Variants in DBNL observed in about 807,000 individuals in gnomAD.
The protein encoded by DBNL is drebrin like.
In DBNL, 35 loss-of-function variants were observed where a neutral mutation model predicts 62.2. That is an observed-to-expected ratio of 0.56 (90% CI 0.43 to 0.75). The LOEUF (loss-of-function observed/expected upper bound fraction) is 0.75. Ranked by LOEUF, DBNL falls within the 30% of genes least tolerant of loss-of-function variation. DBNL has a pLI of 0.00. For synonymous variants in DBNL, 197 were observed against 218.0 expected (o/e 0.90, Z 0.85); for missense variants, 495 against 578.4 (o/e 0.86, Z 1.48).
rs755954276 is a variant in DBNL, at chr7:44,044,724, C to T, written c.-14C>T. 6.7e-7 allele frequency: 1 copy of T among 1,493,912 alleles called. No individual in the cohort carries two copies. The highest frequency in any genetic ancestry group is 1.2e-5 in the South Asian group (1 of 80,684). 92.5% of individuals were successfully genotyped at this position (1,493,912 alleles called of 1,614,324 possible). ...GGAAGCTACAGCAGCGGCGCGGAGA[C>T]TGCGGGGCGGGCCATGGCGGCGAAC... On this transcript the variant is annotated 5_prime_UTR_variant, in exon 1 of 13. Coordinates refer to ENST00000448521, the MANE Select transcript of DBNL (RefSeq NM_001014436.3).
rs1458801278 is a variant in DBNL at position 44,063,490 on chromosome 7, G to C, written c.*2574G>C. 5.5e-6 allele frequency: 1 copy of C among 182,160 alleles called. No individual in the cohort carries two copies. Among genetic ancestry groups the C allele is most frequent in the East Asian group, 1.4e-4 (1 of 7,144 alleles). 11.3% of individuals were successfully genotyped at this position (182,160 alleles called of 1,614,324 possible). A position where few individuals can be genotyped will look rare whatever the true frequency, so the allele number is the denominator to read the frequency against. On this transcript the variant is annotated 3_prime_UTR_variant, in exon 13 of 13. Transcript: ENST00000448521. ...GAAACGGGTTTTACCATGTTGGTCAGGCTGGTCTCAAACTCCTGACCTCAG... is the reference window on the plus strand; with the variant it reads ...GAAACGGGTTTTACCATGTTGGTCACGCTGGTCTCAAACTCCTGACCTCAG...
chr7:44,058,109 G>C lies in DBNL; in HGVS notation c.553-20G>C. ...TGAAGTGGCAGCATAGGGCTGAGCGGGCAGTGGCTCTCCCTGCAGAAGGAG... is the reference window on the plus strand; with the variant it reads ...TGAAGTGGCAGCATAGGGCTGAGCGCGCAGTGGCTCTCCCTGCAGAAGGAG... On this transcript the variant is annotated intron_variant, in intron 6 of 12. Coordinates refer to ENST00000448521, the MANE Select transcript of DBNL (RefSeq NM_001014436.3). 1 of 1,552,360 alleles carries C rather than the reference G, an allele frequency of 6.4e-7. No individual in the cohort carries two copies. The highest frequency in any genetic ancestry group is 8.7e-7 in the Non-Finnish European group (1 of 1,147,984).
rs781724607 is a variant in DBNL at position 44,044,801 on chromosome 7, G to A, written c.64G>A (p.Glu22Lys). The change falls in exon 1 of 13, where the codon GAG becomes AAG. Residue 22 changes from glutamate (E) to lysine (K), a missense_variant. Coordinates refer to ENST00000448521, the MANE Select transcript of DBNL (RefSeq NM_001014436.3). ...LQEAYVRVVT[E>K]KSPTDWALFT... The stretch of plus-strand genomic sequence containing the variant: ...AGAGGCCTACGTGCGGGTGGTCACC[G>A]AGAAGTCCCCGACCGACTGGTGGGC... The A allele has an allele frequency of 2.5e-5, 37 of 1,494,434 alleles. 1 individual carries two copies. In the South Asian group the frequency reaches 3.2e-4, roughly 13 times the overall value. 92.6% of individuals were successfully genotyped at this position (1,494,434 alleles called of 1,614,324 possible).
In DBNL at chr7:44,047,172, C is replaced by A. The variant is rs534515751; in HGVS notation, c.83+2352C>A. ...GCCAGACACAAAATATGCTGGAAAT[C>A]CTTATGGATTTTCTTGTCACCTTTA... On this transcript the variant is annotated intron_variant, in intron 1 of 12. Transcript: ENST00000448521. Among the ~76,000 whole-genome samples the A allele has an allele frequency of 2.0e-5, 3 of 152,278 alleles. No individual in the cohort carries two copies. The South Asian group carries it at 6.2e-4, about 32-fold the overall frequency.
At chr7:44,045,412 GC>G (rs2096115445) in intron 1 of DBNL, among the ~76,000 whole-genome samples, 1 of 152,216 alleles carries the variant, frequency 6.6e-6, no homozygotes, top group Non-Finnish European at 1.5e-5. Context: ...TCTTTCTTGT[GC>G]CTGAGCCATG....
rs747052979 is a variant in DBNL at position 44,051,792 on chromosome 7, C to T, written c.140-38C>T. 4.6e-5 allele frequency: 74 copies of T among 1,606,910 alleles called. No individual in the cohort carries two copies. In the Admixed American group the frequency reaches 1.2e-3, roughly 26 times the overall value. On this transcript the variant is annotated intron_variant, in intron 2 of 12. Coordinates refer to ENST00000448521, the MANE Select transcript of DBNL (RefSeq NM_001014436.3). ...TGGGACCAGGGCCAGCAGGGAATGTCAGGGCCACCCCTGACCTTCACTGTG... is the reference window on the plus strand; with the variant it reads ...TGGGACCAGGGCCAGCAGGGAATGTTAGGGCCACCCCTGACCTTCACTGTG...
rs112718874 is a variant in DBNL, at chr7:44,062,938, G to T, written c.*2022G>T. On this transcript the variant is annotated 3_prime_UTR_variant, in exon 13 of 13. Coordinates refer to ENST00000448521, the MANE Select transcript of DBNL (RefSeq NM_001014436.3). The stretch of plus-strand genomic sequence containing the variant: ...TCGCCTGGTCTGACATCCCTATGCC[G>T]GAAGGAATAGGTGTCCTTAGCCCCT... 1 of 1,613,506 alleles carries T rather than the reference G, an allele frequency of 6.2e-7. No individual in the cohort carries two copies. The highest frequency in any genetic ancestry group is 1.3e-5 in the African/African-American group (1 of 74,914).
At position 44,053,013 on chromosome 7, in the gene DBNL, C is replaced by T. The variant is rs1205503804; in HGVS notation, c.327+72C>T. ...TTGAGGTCTCGCAGGTTCCTGGGTG[C>T]GAGCAAGTGGGAATCAGAACTGGAG... On this transcript the variant is annotated intron_variant, in intron 4 of 12. Coordinates refer to ENST00000448521, the MANE Select transcript of DBNL (RefSeq NM_001014436.3). The T allele has an allele frequency of 1.6e-5, 24 of 1,548,122 alleles. No individual in the cohort carries two copies. The South Asian group carries it at 2.0e-4, about 13-fold the overall frequency.
Position 44,060,254 on chromosome 7 carries a change from G to A in DBNL, c.1153+101G>A, listed in dbSNP as rs989381115. The A allele has an allele frequency of 1.8e-6, 2 of 1,111,086 alleles. No individual in the cohort carries two copies. The highest frequency in any genetic ancestry group is 1.6e-5 in the African/African-American group (1 of 64,386). 68.8% of individuals were successfully genotyped at this position (1,111,086 alleles called of 1,614,324 possible). ...GGAAGATGGCACCAGGGGGTATCAG[G>A]AAGAGAAGACAGGAGGGTGGGCGGT... On this transcript the variant is annotated intron_variant, in intron 12 of 12. Coordinates refer to ENST00000448521, the MANE Select transcript of DBNL (RefSeq NM_001014436.3). This position sits in a 1 kb window ranked among gnomAD's most constrained non-coding sequence, Gnocchi z 6.3.
chr7:44,045,288 G>A (rs1331966656), intron 1 of DBNL, among the ~76,000 whole-genome samples: 1 of 152,218 alleles, frequency 6.6e-6, no homozygotes, highest in Non-Finnish European at 1.5e-5. Flanking sequence ...CCTGGCAGCC[G>A]GGCTGTGAAT....
chr7:44,056,817 G>A lies in DBNL; in HGVS notation c.388G>A (p.Glu130Lys), dbSNP rs750677740. The A allele has an allele frequency of 1.2e-6, 2 of 1,614,110 alleles. No individual in the cohort carries two copies. Among genetic ancestry groups the A allele is most frequent in the South Asian group, 1.1e-5 (1 of 91,088 alleles). ...GGATGTGGAGCCTGAGTGCATCATG[G>A]AGAAGGTGGCCAAGGCTTCAGGTGC... ...EEDVEPECIMEKVAKASGANY... is the reference protein window; with the variant it reads ...EEDVEPECIMKKVAKASGANY... The change falls in exon 5 of 13, where the codon GAG (glutamate) becomes AAG (lysine). Residue 130 changes from glutamate (E) to lysine (K), a missense_variant. Transcript: ENST00000448521.
Position 44,062,710 on chromosome 7 carries a change from T to C in DBNL, c.*1794T>C, listed in dbSNP as rs905605750. 6.7e-5 allele frequency: 106 copies of C among 1,589,164 alleles called. No homozygotes were observed. The highest frequency in any genetic ancestry group is 8.8e-5 in the Non-Finnish European group (102 of 1,160,672). ...GCGGTGTGAGCCTGGCATGCACGGCTGCGCTGGACTCCAGGCTGTTGGGGG... is the reference window on the plus strand; with the variant it reads ...GCGGTGTGAGCCTGGCATGCACGGCCGCGCTGGACTCCAGGCTGTTGGGGG... On this transcript the variant is annotated 3_prime_UTR_variant, in exon 13 of 13. Coordinates refer to ENST00000448521, the MANE Select transcript of DBNL (RefSeq NM_001014436.3).
rs1397126872 is a variant in DBNL, at chr7:44,059,032, G to C, written c.835+49G>C. 1 of 1,593,546 alleles carries C rather than the reference G, an allele frequency of 6.3e-7. No individual in the cohort carries two copies. Among genetic ancestry groups the C allele is most frequent in the South Asian group, 1.1e-5 (1 of 90,494 alleles). ...CCATGAGGCAGCAGCAGGCTGAGGGGGAGCCTGGGGTCCTATGTGGGCTCC... is the reference window on the plus strand; with the variant it reads ...CCATGAGGCAGCAGCAGGCTGAGGGCGAGCCTGGGGTCCTATGTGGGCTCC... On this transcript the variant is annotated intron_variant, in intron 9 of 12. Transcript: ENST00000448521. This position sits in a 1 kb window ranked among gnomAD's most constrained non-coding sequence, Gnocchi z 4.1.
At chr7:44,051,979 A>G (rs770936619) in intron 3 of DBNL, 37 bp downstream of exon 3, 1 of 1,585,968 alleles carries the variant, frequency 6.3e-7, no homozygotes, top group South Asian at 1.1e-5. Context: ...GTGACCCAGG[A>G]AACCCCATTG....
intron 8 of DBNL, chr7:44,058,701 C>T (rs1562656007): frequency 5.0e-6 from 4 of 806,092 alleles, no homozygotes; most frequent in Non-Finnish European, 7.8e-6. Context: ...GCCCTGGGAG[C>T]CCCTTGGCTT....
At chr7:44,045,514 T>C (rs920642093) in intron 1 of DBNL, among the ~76,000 whole-genome samples, 9 of 152,222 alleles carry the variant, frequency 5.9e-5, no homozygotes, top group African/African-American at 1.9e-4. Context: ...CTTTCCTCTT[T>C]GCTTAAATTG....
Position 44,059,094 on chromosome 7 carries a change from G to A in DBNL, c.835+111G>A. 8.3e-7 allele frequency: 1 copy of A among 1,199,568 alleles called. No homozygotes were observed. Among genetic ancestry groups the A allele is most frequent in the Non-Finnish European group, 1.2e-6 (1 of 843,128 alleles). 74.3% of individuals were successfully genotyped at this position (1,199,568 alleles called of 1,614,324 possible). On this transcript the variant is annotated intron_variant, in intron 9 of 12. Coordinates refer to ENST00000448521, the MANE Select transcript of DBNL (RefSeq NM_001014436.3). This position sits in a 1 kb window ranked among gnomAD's most constrained non-coding sequence, Gnocchi z 4.1. ...TGACAGATATATCGGTGACGGGTGA[G>A]TGAGTGAGGAGAAGGGACACCTGGG...
chr7:44,062,737 G>A lies in DBNL; in HGVS notation c.*1821G>A. The A allele has an allele frequency of 6.2e-7, 1 of 1,612,720 alleles. No homozygotes were observed. The highest frequency in any genetic ancestry group is 8.5e-7 in the Non-Finnish European group (1 of 1,179,282). ...CGCTGGACTCCAGGCTGTTGGGGGA[G>A]GTGCCTTTATTGCCCAAGCCCACCC... On this transcript the variant is annotated 3_prime_UTR_variant, in exon 13 of 13. Coordinates refer to ENST00000448521, the MANE Select transcript of DBNL (RefSeq NM_001014436.3).
intron 3 of DBNL, 109 bp from the exon 4 acceptor site, chr7:44,052,758 G>C (rs1323158188): frequency 7.8e-6 from 10 of 1,283,794 alleles, no homozygotes; most frequent in Non-Finnish European, 9.8e-6. Flanking sequence ...TTCTGCTTTG[G>C]GGGTTGCAGT....
Sources: gnomAD v4.1 joint callset for allele counts (sites outside exome capture counted in the v4.1 genomes callset) on GRCh38, gnomAD v4.1.1 for gene constraint, Gnocchi (gnomAD v3.1) non-coding constraint, MANE v1.5 for transcripts, NCBI Gene and HGNC (gene_info 2026-07-23, HGNC 2026-07-21) for gene names.